The following IL1R1 variants were observed in gnomAD, a reference collection of about 807,000 sequenced individuals.
IL1R1 encodes interleukin 1 receptor type 1.
A neutral mutation model predicts 50.2 loss-of-function variants in IL1R1; 22 were observed. That is an observed-to-expected ratio of 0.44 (90% CI 0.31 to 0.63). The LOEUF (loss-of-function observed/expected upper bound fraction) is 0.63, where lower values mean the gene tolerates loss of function less well. Ranked by LOEUF, IL1R1 falls within the 20% of genes least tolerant of loss-of-function variation. IL1R1 has a pLI of 0.07. For missense variants in IL1R1, 509 were observed against 676.2 expected, an observed-to-expected ratio of 0.75 and a Z score of 2.74; for synonymous variants, 251 against 236.7, an observed-to-expected ratio of 1.06 and a Z score of -0.55.
At chr2:102,073,081 G>T (rs1678804986) in intron 1 of IL1R1, among the ~76,000 whole-genome samples, 1 of 152,086 alleles carries the variant, frequency 6.6e-6, no homozygotes, top group African/African-American at 2.4e-5. Context: ...TATGTACTGG[G>T]GGATCAACTA....
chr2:102,080,200 G>A (rs1024145722), intron 1 of IL1R1, among the ~76,000 whole-genome samples: 9 of 152,170 alleles, frequency 5.9e-5, no homozygotes, highest in South Asian at 2.1e-4. Flanking sequence ...AGTATACAGC[G>A]CCAGAGCACA....
intron 1 of IL1R1, among the ~76,000 whole-genome samples, chr2:102,120,933 A>G (rs532282046): frequency 6.6e-6 from 1 of 152,276 alleles, no homozygotes; most frequent in South Asian, 2.1e-4. Context: ...TTTTTAGCAG[A>G]ACATAGGTAT....
upstream of IL1R1, among the ~76,000 whole-genome samples, chr2:102,141,346 G>A (rs1323483662): frequency 6.6e-6 from 1 of 152,208 alleles, no homozygotes; most frequent in African/African-American, 2.4e-5. Context: ...CATGTCCTCC[G>A]GTGATTCTGA....
chr2:102,091,333 A>G (rs1679658290), intron 1 of IL1R1, among the ~76,000 whole-genome samples: 1 of 152,112 alleles, frequency 6.6e-6, no homozygotes, highest in Non-Finnish European at 1.5e-5. Context: ...TTGCCTCTTT[A>G]TGGTTCACAG....
chr2:102,155,017 G>T (rs1684043068), intron 2 of IL1R1, among the ~76,000 whole-genome samples: 1 of 152,186 alleles, frequency 6.6e-6, no homozygotes, highest in Non-Finnish European at 1.5e-5. Flanking sequence ...CACATTCCCT[G>T]CAACTGCTGA....
At chr2:102,135,308 T>A (rs1298107893) in intron 1 of IL1R1, among the ~76,000 whole-genome samples, 1 of 152,188 alleles carries the variant, frequency 6.6e-6, no homozygotes, top group Non-Finnish European at 1.5e-5. Flanking sequence ...TGTAGCTGAC[T>A]GCTTCTGACA....
intron 6 of IL1R1, among the ~76,000 whole-genome samples, chr2:102,167,899 A>T (rs1003747807): frequency 1.3e-5 from 2 of 152,194 alleles, no homozygotes; most frequent in South Asian, 4.1e-4. Context: ...AGGATTCAAA[A>T]ATATTTATTG....
chr2:102,094,450 C>A (rs1679812363), intron 1 of IL1R1, among the ~76,000 whole-genome samples: 1 of 152,144 alleles, frequency 6.6e-6, no homozygotes, highest in Non-Finnish European at 1.5e-5. Context: ...AAGCAAAAGT[C>A]AAATATGTTC....
chr2:102,148,873 A>C (rs1264132063), intron 1 of IL1R1, among the ~76,000 whole-genome samples: 1 of 152,174 alleles, frequency 6.6e-6, no homozygotes, highest in Non-Finnish European at 1.5e-5. Flanking sequence ...ATAACACAGG[A>C]GGTCAAGGCT....
At chr2:102,120,837 G>C (rs1358150129) in intron 1 of IL1R1, among the ~76,000 whole-genome samples, 1 of 152,200 alleles carries the variant, frequency 6.6e-6, no homozygotes, top group Non-Finnish European at 1.5e-5. Context: ...ACACTGCCTA[G>C]TACATGGTGT....
chr2:102,117,002 A>G (rs1681114015), intron 1 of IL1R1, among the ~76,000 whole-genome samples: 1 of 152,242 alleles, frequency 6.6e-6, no homozygotes, highest in African/African-American at 2.4e-5. Flanking sequence ...CTTTTATAAT[A>G]AAAGGTAACA....
upstream of IL1R1, among the ~76,000 whole-genome samples, chr2:102,103,288 A>G (rs1680226949): frequency 6.6e-6 from 1 of 152,146 alleles, no homozygotes; most frequent in African/African-American, 2.4e-5. Flanking sequence ...AAATCACCCC[A>G]GGATGCTTGA....
chr2:102,167,775 G>A (rs752169364), intron 6 of IL1R1, among the ~76,000 whole-genome samples: 8 of 151,922 alleles, frequency 5.3e-5, no homozygotes, highest in Non-Finnish European at 1.0e-4. Context: ...GATATTCTCT[G>A]TTTCCTTTTC....
At chr2:102,157,496 G>A (rs964270271) in intron 2 of IL1R1, among the ~76,000 whole-genome samples, 3 of 152,122 alleles carry the variant, frequency 2.0e-5, no homozygotes, top group African/African-American at 7.2e-5. Context: ...TGTTGAGTTT[G>A]TTCTCAATTT....
Position 102,162,996 on chromosome 2 carries a change from A to G in IL1R1, c.62-1778A>G, listed in dbSNP as rs775494548. The stretch of plus-strand genomic sequence containing the variant: ...TGAAAAAGTCAGTATTTTTTCCTAA[A>G]TTTTAAATATATTTTCATGGGATAT... On this transcript the variant is annotated intron_variant, in intron 3 of 11. Coordinates refer to ENST00000410023, the MANE Select transcript of IL1R1 (RefSeq NM_000877.4). Among the ~76,000 whole-genome samples, 9 of 152,166 alleles carry G rather than the reference A, an allele frequency of 5.9e-5. No individual in the cohort carries two copies. In the South Asian group the frequency reaches 8.3e-4, roughly 14 times the overall value.
upstream of IL1R1, among the ~76,000 whole-genome samples, chr2:102,100,619 C>A (rs1448579143): frequency 6.6e-6 from 1 of 152,192 alleles, no homozygotes; most frequent in Non-Finnish European, 1.5e-5. Context: ...TGAGCTTCAC[C>A]AGACCTGGCC....
chr2:102,172,461 T>A (rs2104624334), intron 8 of IL1R1: 1 of 974,948 alleles, frequency 1.0e-6, no homozygotes, highest in South Asian at 4.7e-5. Context: ...GAAGTGGTAA[T>A]TTTTTTGCTT....
At chr2:102,160,404 A>T in intron 3 of IL1R1, among the ~76,000 whole-genome samples, 1 of 150,922 alleles carries the variant, frequency 6.6e-6, no homozygotes, top group African/African-American at 2.4e-5. Context: ...CCATATTACT[A>T]TTTTCTTCTT....
At chr2:102,105,103 G>A (rs1680330072) in intron 1 of IL1R1, among the ~76,000 whole-genome samples, 1 of 152,316 alleles carries the variant, frequency 6.6e-6, no homozygotes, top group African/African-American at 2.4e-5. Flanking sequence ...GAGAACGACT[G>A]TGATTATCTA....
Sources: allele counts gnomAD v4.1 joint callset (sites outside exome capture counted in the v4.1 genomes callset), GRCh38; gene constraint gnomAD v4.1.1; transcripts MANE v1.5; gene names NCBI Gene and HGNC (gene_info 2026-07-23, HGNC 2026-07-21).